DNAJC21: variants seen among roughly 807,000 people sequenced by gnomAD.
DNAJC21 encodes the protein dnaJ homolog subfamily C member 21.
In DNAJC21, 63 loss-of-function variants were observed where a neutral mutation model predicts 72.4. That is an observed-to-expected ratio of 0.87 (90% confidence interval 0.71 to 1.07). The LOEUF is 1.07. Ranked by LOEUF, DNAJC21 falls within the 50% of genes least tolerant of loss-of-function variation. The pLI, the probability that DNAJC21 is intolerant of heterozygous loss-of-function variation, is 0.00. For synonymous variants in DNAJC21, 203 were observed against 216.7 expected (o/e 0.94, Z 0.56); for missense variants, 634 against 644.8 (o/e 0.98, Z 0.18).
At chr5:34,948,085 A>G (rs1199706453) in intron 9 of DNAJC21, among the ~76,000 whole-genome samples, 3 of 152,198 alleles carry the variant, frequency 2.0e-5, no homozygotes, top group Non-Finnish European at 4.4e-5. Flanking sequence ...TGTAGCTGGG[A>G]ACCATATTCT....
intron 5 of DNAJC21, among the ~76,000 whole-genome samples, chr5:34,937,869 C>T (rs1342276581): frequency 1.3e-5 from 2 of 152,108 alleles, no homozygotes; most frequent in East Asian, 3.9e-4. Context: ...GATCTCGGCT[C>T]ACTGCAACCT....
At chr5:34,949,197 C>G (rs1765273603) in intron 9 of DNAJC21, among the ~76,000 whole-genome samples, 1 of 152,154 alleles carries the variant, frequency 6.6e-6, no homozygotes, top group Non-Finnish European at 1.5e-5. Flanking sequence ...ATGACAAACT[C>G]ATTTTGCTTC....
chr5:34,941,333 G>A, intron 7 of DNAJC21, 150 bp downstream of exon 7: 1 of 685,856 alleles, frequency 1.5e-6, no homozygotes, highest in Non-Finnish European at 2.5e-6. Flanking sequence ...AAGTAGCTAG[G>A]GCTACAGGAA....
At chr5:34,945,611 T>C (rs776160010) in intron 8 of DNAJC21, 150 bp from the exon 9 acceptor site, 261 of 633,356 alleles carry the variant, frequency 4.1e-4, no homozygotes, top group Non-Finnish European at 5.8e-4. Flanking sequence ...GTGAATACTT[T>C]ATTTTCCTTT....
intron 7 of DNAJC21, among the ~76,000 whole-genome samples, chr5:34,942,616 AGT>A (rs1765032980): frequency 6.6e-6 from 1 of 152,298 alleles, no homozygotes. Flanking sequence ...AAGAGAATAT[AGT>A]GTGTCTGATT....
intron 7 of DNAJC21, among the ~76,000 whole-genome samples, chr5:34,941,821 C>T (rs1765005254): frequency 6.6e-6 from 1 of 151,958 alleles, no homozygotes; most frequent in South Asian, 2.1e-4. Flanking sequence ...CCCACCTCGG[C>T]CTCCCAAAGT....
At chr5:34,951,350 T>G (rs184959144) in intron 10 of DNAJC21, 130 of 985,340 alleles carry the variant, frequency 1.3e-4, no homozygotes, top group Non-Finnish European at 1.2e-4. Context: ...CAAAAGCTAT[T>G]GAGTAGAAAG....
intron 5 of DNAJC21, 139 bp downstream of exon 5, chr5:34,937,769 T>G: frequency 9.6e-7 from 1 of 1,039,644 alleles, no homozygotes; most frequent in Non-Finnish European, 1.4e-6. Context: ...AATTGTGGCA[T>G]TGGATAGTGT....
At position 34,958,203 on chromosome 5, in the gene DNAJC21, A is replaced by G. The variant is rs923112262; in HGVS notation, c.*3489A>G. ...ATAATTTTGAAGAAGGACGAGAGGA[A>G]GAGGCATGAACTTGTCCTAACAATG... On this transcript the variant is annotated 3_prime_UTR_variant, in exon 12 of 12. Coordinates refer to ENST00000648817, the MANE Select transcript of DNAJC21 (RefSeq NM_001012339.3). 11 of 152,272 alleles carry G rather than the reference A, an allele frequency of 7.2e-5. No individual in the cohort carries two copies. Among genetic ancestry groups the G allele is most frequent in the African/African-American group, 2.4e-4 (10 of 41,458 alleles). The allele number at this position is 152,272 out of a possible 1,614,324, so 9.4% of individuals were successfully genotyped here.
intron 6 of DNAJC21, among the ~76,000 whole-genome samples, 188 bp from the exon 7 acceptor site, chr5:34,940,908 A>C (rs1434074450): frequency 2.0e-5 from 3 of 152,250 alleles, no homozygotes; most frequent in Non-Finnish European, 2.9e-5. Flanking sequence ...AAAGAACTTG[A>C]AAGTTAAGGT....
intron 10 of DNAJC21, chr5:34,950,562 G>C (rs1188135559): frequency 5.2e-6 from 6 of 1,162,020 alleles, no homozygotes; most frequent in Non-Finnish European, 6.4e-6. Flanking sequence ...TCAGCAGCAT[G>C]GCCAAAATCA....
chr5:34,951,336 A>G (rs919979529), intron 10 of DNAJC21: 21 of 985,238 alleles, frequency 2.1e-5, no homozygotes, highest in Non-Finnish European at 2.5e-5. Flanking sequence ...TAATTGTCCA[A>G]GGACAAAAGC....
At chr5:34,936,360 C>T in intron 4 of DNAJC21, 94 bp downstream of exon 4, 3 of 1,456,344 alleles carry the variant, frequency 2.1e-6, no homozygotes, top group Non-Finnish European at 2.8e-6. Flanking sequence ...ACTCTGTCAC[C>T]CAGGCTGCAG....
At position 34,954,003 on chromosome 5, in the gene DNAJC21, T is replaced by G. The variant is rs765684944; in HGVS notation, c.1434+2T>G. ...GTACCTGCTGAACCACAAACAATGG[T>G]AGGTCAAAATCATATTCATATCTCT... On this transcript the variant is annotated splice_donor_variant, in intron 11 of 11. Coordinates refer to ENST00000648817, the MANE Select transcript of DNAJC21 (RefSeq NM_001012339.3). LOFTEE classifies it high-confidence loss of function. 6.2e-7 allele frequency: 1 copy of G among 1,606,658 alleles called. No homozygotes were observed. The highest frequency in any genetic ancestry group is 2.2e-5 in the East Asian group (1 of 44,626).
At chr5:34,950,727 C>G in intron 10 of DNAJC21, 2 of 992,928 alleles carry the variant, frequency 2.0e-6, no homozygotes, top group Non-Finnish European at 2.4e-6. Flanking sequence ...ACGACAGCAG[C>G]CTGTGTTGGG....
intron 1 of DNAJC21, among the ~76,000 whole-genome samples, 186 bp from the exon 2 acceptor site, chr5:34,933,629 C>T (rs1451118957): frequency 1.3e-5 from 2 of 152,124 alleles, no homozygotes; most frequent in African/African-American, 4.8e-5. Context: ...CCTGAAATTT[C>T]TGCTTAGATT....
At chr5:34,953,872 A>G (rs1418331719) in intron 10 of DNAJC21, 54 bp from the exon 11 acceptor site, 3 of 1,406,292 alleles carry the variant, frequency 2.1e-6, no homozygotes, top group Non-Finnish European at 2.9e-6. Flanking sequence ...TCAAATAATG[A>G]TGGTTAAAAG....
intron 1 of DNAJC21, among the ~76,000 whole-genome samples, chr5:34,931,816 G>A (rs1169810194): frequency 6.6e-6 from 1 of 152,148 alleles, no homozygotes; most frequent in Non-Finnish European, 1.5e-5. Context: ...GCAAGGGGAG[G>A]AGATGTTGGG....
At chr5:34,944,183 G>A (rs1488840874) in intron 7 of DNAJC21, among the ~76,000 whole-genome samples, 2 of 152,318 alleles carry the variant, frequency 1.3e-5, no homozygotes, top group Middle Eastern at 3.4e-3. Flanking sequence ...TGCTGAGACA[G>A]ACATTGCCAG....
Sources: gnomAD v4.1 joint callset for allele counts (sites outside exome capture counted in the v4.1 genomes callset) on GRCh38, gnomAD v4.1.1 for gene constraint, MANE v1.5 for transcripts, NCBI Gene and HGNC (gene_info 2026-07-23, HGNC 2026-07-21) for gene names.